COG5: variants seen among roughly 807,000 people sequenced by gnomAD.
The protein encoded by COG5 is component of oligomeric golgi complex 5.
COG5 carries 86 observed loss-of-function variants against 110.4 expected under a neutral mutation model. The ratio of observed to expected loss-of-function variants is 0.78; its 90% CI spans 0.65 to 0.93. COG5 has a LOEUF of 0.93. COG5 is among the 40% of genes least tolerant of loss of function. The pLI is 0.00. For missense variants in COG5, 1,077 were observed against 987.0 expected (o/e 1.09, Z -1.22); for synonymous variants, 360 against 334.6 (o/e 1.08, Z -0.83).
At chr7:107,412,978 G>A (rs1000463463) in intron 6 of COG5, among the ~76,000 whole-genome samples, 2 of 151,936 alleles carry the variant, frequency 1.3e-5, no homozygotes, top group African/African-American at 4.8e-5. Context: ...TTCTCAAGAT[G>A]CAAGTACAGT....
At chr7:107,231,569 T>C (rs1372979203) in intron 18 of COG5, among the ~76,000 whole-genome samples, 1 of 152,176 alleles carries the variant, frequency 6.6e-6, no homozygotes, top group Admixed American at 6.5e-5. Flanking sequence ...TGGTAAAGAA[T>C]GGTTTAGAAA....
intron 12 of COG5, among the ~76,000 whole-genome samples, chr7:107,290,716 C>T: frequency 6.6e-6 from 1 of 152,080 alleles, no homozygotes; most frequent in East Asian, 1.9e-4. Context: ...TTCCTTTGAG[C>T]AATCTGAGCC....
chr7:107,303,002 C>T (rs1807402400), intron 11 of COG5, among the ~76,000 whole-genome samples: 1 of 152,188 alleles, frequency 6.6e-6, no homozygotes, highest in Non-Finnish European at 1.5e-5. Context: ...AAGGACAATG[C>T]CTTTTTTCTT....
Position 107,208,513 on chromosome 7 carries a change from T to G in COG5, c.2375+2013A>C. ...AACTGAATCCTCTTTTTAAGACGAC[T>G]GAGTGTGTTGCAGCTGAGTGAATCT... is the stretch of plus-strand genomic sequence containing the variant. On this transcript the variant is annotated intron_variant, in intron 21 of 21. Transcript: ENST00000297135. 3.0e-6 allele frequency: 3 copies of G among 985,420 alleles called. No homozygotes were observed. In the South Asian group the frequency reaches 1.4e-4, roughly 46 times the overall value. The allele number at this position is 985,420 out of a possible 1,614,324, so 61.0% of individuals were successfully genotyped here.
In COG5 at chr7:107,258,300, C is replaced by CA; in HGVS notation, c.1658dup (p.Leu553PhefsTer3). The CA allele has an allele frequency of 6.2e-7, 1 of 1,610,694 alleles. No individual in the cohort carries two copies. Among genetic ancestry groups the CA allele is most frequent in the Non-Finnish European group, 8.5e-7 (1 of 1,177,036 alleles). ...TTGTTACTGATTGGTGCAACTTATA[C>CA]AATGAATTCACTACTGCCACATTTC... is the stretch of plus-strand genomic sequence containing the variant. On this transcript the variant is annotated frameshift_variant, in exon 15 of 22. Transcript: ENST00000297135. LOFTEE classifies it high-confidence loss of function.
chr7:107,306,121 T>C (rs1285230302), intron 11 of COG5, among the ~76,000 whole-genome samples: 13 of 152,170 alleles, frequency 8.5e-5, no homozygotes, highest in Non-Finnish European at 1.5e-5. Context: ...CAAATACTTA[T>C]ATACTGTAAA....
intron 6 of COG5, among the ~76,000 whole-genome samples, chr7:107,454,550 G>A (rs1795544889): frequency 6.6e-6 from 1 of 152,074 alleles, no homozygotes; most frequent in Non-Finnish European, 1.5e-5. Flanking sequence ...TGCCCTTTGT[G>A]TTTCTTAGTA....
intron 6 of COG5, among the ~76,000 whole-genome samples, chr7:107,524,840 C>A (rs1249201846): frequency 6.6e-6 from 1 of 152,148 alleles, no homozygotes. Flanking sequence ...GTAAAGCCAA[C>A]AGCACATTGG....
chr7:107,274,041 T>C (rs1179954803), intron 14 of COG5, among the ~76,000 whole-genome samples: 2 of 152,320 alleles, frequency 1.3e-5, no homozygotes, highest in East Asian at 3.9e-4. Flanking sequence ...TGAATTTCTC[T>C]CTTCTTTGGC....
rs770669909 is a variant in COG5, at chr7:107,283,664, C to T, written c.1382G>A (p.Arg461Gln). ...EAAYLSKSLS[R>Q]LFDPINLVFP... The stretch of plus-strand genomic sequence containing the variant: ...AACCAAGTTGATAGGATCGAAGAGT[C>T]GAGATAAGGATTTTGATAGATAAGC... The change falls in exon 13 of 22, where the codon CGA becomes CAA. Residue 461 changes from arginine (R) to glutamine (Q), a missense_variant. Coordinates refer to ENST00000297135, the MANE Select transcript of COG5 (RefSeq NM_006348.5). 6.2e-7 allele frequency: 1 copy of T among 1,613,676 alleles called. No individual in the cohort carries two copies. Among genetic ancestry groups the T allele is most frequent in the African/African-American group, 1.3e-5 (1 of 74,990 alleles).
intron 6 of COG5, among the ~76,000 whole-genome samples, chr7:107,442,129 A>G (rs1216283595): frequency 1.3e-5 from 2 of 152,188 alleles, no homozygotes; most frequent in Non-Finnish European, 2.9e-5. Flanking sequence ...TGGCTGGATC[A>G]TGTTGGCAGA....
intron 7 of COG5, among the ~76,000 whole-genome samples, chr7:107,385,869 A>G (rs1790153247): frequency 6.7e-6 from 1 of 148,434 alleles, no homozygotes; most frequent in Admixed American, 6.7e-5. Context: ...TGTGGTTTTA[A>G]TTTGCATTTC....
intron 10 of COG5, among the ~76,000 whole-genome samples, chr7:107,325,480 G>A (rs1354548123): frequency 6.6e-6 from 1 of 152,026 alleles, no homozygotes; most frequent in African/African-American, 2.4e-5. Flanking sequence ...GTGAAACCCT[G>A]TCTCTACTAA....
chr7:107,400,166 C>G (rs1235057768), intron 7 of COG5, among the ~76,000 whole-genome samples: 1 of 151,942 alleles, frequency 6.6e-6, no homozygotes, highest in South Asian at 2.1e-4. Context: ...AACCTAAATG[C>G]TCATCAATAG....
At chr7:107,508,714 C>T (rs183505897) in intron 6 of COG5, among the ~76,000 whole-genome samples, 111 of 152,300 alleles carry the variant, frequency 7.3e-4, no homozygotes, top group African/African-American at 2.0e-3. Flanking sequence ...GCAGCATTTG[C>T]GGTTCACCAA....
intron 7 of COG5, among the ~76,000 whole-genome samples, chr7:107,380,695 A>G (rs1032095836): frequency 2.0e-5 from 3 of 152,148 alleles, no homozygotes; most frequent in Non-Finnish European, 2.9e-5. Context: ...AAAGCCCAGG[A>G]CCAGACAAAT....
chr7:107,207,153 T>TA (rs1413577455), intron 21 of COG5, among the ~76,000 whole-genome samples: 2 of 152,242 alleles, frequency 1.3e-5, no homozygotes, highest in African/African-American at 4.8e-5. Context: ...ATAAATGACT[T>TA]AAAGATACAC....
chr7:107,302,667 A>C (rs1807374010), intron 11 of COG5, among the ~76,000 whole-genome samples: 1 of 152,198 alleles, frequency 6.6e-6, no homozygotes, highest in Non-Finnish European at 1.5e-5. Context: ...CATGCCAATA[A>C]TGCAAGGCCC....
Position 107,352,933 on chromosome 7 carries a change from G to A in COG5, c.1026+9100C>T, listed in dbSNP as rs6968918. 5.4e-3 allele frequency among the ~76,000 whole-genome samples: 827 copies of A among 151,926 alleles called. 9 individuals are homozygous for A. The highest frequency in any genetic ancestry group is 0.019 in the African/African-American group (805 of 41,414). ...ATCTACAGCCTGTTTTCCAATGTGT[G>A]GATCCTTAATAATTTGTCAATAATT... On this transcript the variant is annotated intron_variant, in intron 10 of 21. Transcript: ENST00000297135.
Sources: gnomAD v4.1 joint callset for allele counts (sites outside exome capture counted in the v4.1 genomes callset) on GRCh38, gnomAD v4.1.1 for gene constraint, MANE v1.5 for transcripts, NCBI Gene and HGNC (gene_info 2026-07-23, HGNC 2026-07-21) for gene names.